Variants in BLTP2 observed in about 807,000 individuals in gnomAD.
BLTP2 encodes U937-associated antigen.
chr17:28,631,361 T>A, the BLTP2 span: 3 of 930,308 alleles, frequency 3.2e-6, no homozygotes, highest in African/African-American at 4.9e-5. Flanking sequence ...CCAAAACTCA[T>A]AAATAAATTT....
chr17:28,633,097 C>T, the BLTP2 span: 1 of 1,591,132 alleles, frequency 6.3e-7, no homozygotes, highest in South Asian at 1.1e-5. Flanking sequence ...GTTCCCATGG[C>T]ACAGCCACTG....
chr17:28,637,077 T>C, the BLTP2 span: 2 of 1,614,172 alleles, frequency 1.2e-6, no homozygotes, highest in Non-Finnish European at 1.7e-6. Flanking sequence ...CGTGACTGAT[T>C]TCACCAGCGC....
the BLTP2 span, chr17:28,633,816 C>T: frequency 8.3e-5 from 132 of 1,597,564 alleles, no homozygotes; most frequent in Non-Finnish European, 1.1e-4. Flanking sequence ...TCCTTCACTC[C>T]AGAAGGGTCT....
At chr17:28,615,002 C>T in the BLTP2 span, 1 of 1,510,168 alleles carries the variant, frequency 6.6e-7, no homozygotes, top group Non-Finnish European at 9.0e-7. Context: ...CCTCCCACCC[C>T]ACAAGTCCCT....
the BLTP2 span, chr17:28,642,835 A>G: frequency 7.4e-6 from 9 of 1,220,662 alleles, no homozygotes; most frequent in Non-Finnish European, 1.1e-5. Context: ...AGGCAAGAAT[A>G]GGACGGCTAG....
chr17:28,634,340 A>G, the BLTP2 span, among the ~76,000 whole-genome samples: 4 of 152,154 alleles, frequency 2.6e-5, no homozygotes, highest in African/African-American at 9.7e-5. Flanking sequence ...ATGTTAGCCA[A>G]GCAATTTCAC....
the BLTP2 span, chr17:28,639,415 T>G: frequency 6.2e-7 from 1 of 1,613,848 alleles, no homozygotes; most frequent in Non-Finnish European, 8.5e-7. Flanking sequence ...TAGTGAATGA[T>G]GCAAGTGTTC....
the BLTP2 span, chr17:28,640,495 A>G: frequency 1.9e-6 from 3 of 1,559,722 alleles, no homozygotes; most frequent in Non-Finnish European, 1.8e-6. Context: ...TAGGCTGGTT[A>G]CAGAGATACC....
chr17:28,624,314 A>G, the BLTP2 span: 31 of 1,613,990 alleles, frequency 1.9e-5, no homozygotes, highest in Admixed American at 3.3e-5. Flanking sequence ...ACAACTGGTC[A>G]CTCATGCCTG....
chr17:28,642,314 T>C, the BLTP2 span: 1 of 1,614,188 alleles, frequency 6.2e-7, no homozygotes. Flanking sequence ...TGATCTTACA[T>C]AAGCTCACCT....
the BLTP2 span, among the ~76,000 whole-genome samples, chr17:28,641,733 A>G: frequency 6.6e-6 from 1 of 152,226 alleles, no homozygotes; most frequent in African/African-American, 2.4e-5. Flanking sequence ...CACTCAGCAC[A>G]AGCAAATGCC....
At chr17:28,620,963 T>A in the BLTP2 span, 1 of 1,607,086 alleles carries the variant, frequency 6.2e-7, no homozygotes, top group Non-Finnish European at 8.5e-7. Context: ...AGTCCCTTCC[T>A]AAAAGCCTTT....
the BLTP2 span, among the ~76,000 whole-genome samples, chr17:28,631,109 CA>C: frequency 2.6e-5 from 4 of 152,156 alleles, no homozygotes; most frequent in Admixed American, 2.6e-4. Context: ...TCCTAACCCC[CA>C]ATGTAACAGT....
the BLTP2 span, among the ~76,000 whole-genome samples, chr17:28,627,319 C>T: frequency 3.3e-5 from 5 of 152,132 alleles, no homozygotes; most frequent in South Asian, 6.2e-4. Flanking sequence ...TCAAACCATA[C>T]TAGGCTTTCA....
chr17:28,624,177 G>T, the BLTP2 span: 1 of 1,568,386 alleles, frequency 6.4e-7, no homozygotes, highest in Non-Finnish European at 8.7e-7. Context: ...GGGGGAAGGG[G>T]AACAATATGA....
chr17:28,632,089 T>C, the BLTP2 span: 1 of 1,614,170 alleles, frequency 6.2e-7, no homozygotes, highest in Non-Finnish European at 8.5e-7. Flanking sequence ...AAGTTGCTTG[T>C]AGTGCTGACC....
chr17:28,642,374 G>A, the BLTP2 span: 239 of 1,588,912 alleles, frequency 1.5e-4, 1 homozygote, highest in African/African-American at 2.5e-3. Flanking sequence ...TGGCCTTGCC[G>A]GGCGCGGTGG....
chr17:28,644,861 C>G, the BLTP2 span: 1 of 784,980 alleles, frequency 1.3e-6, no homozygotes, highest in East Asian at 2.8e-5. Context: ...CGCCCCCTCC[C>G]TCCACCCTAC....
At chr17:28,637,377 A>T in the BLTP2 span, among the ~76,000 whole-genome samples, 1 of 152,194 alleles carries the variant, frequency 6.6e-6, no homozygotes, top group Non-Finnish European at 1.5e-5. Flanking sequence ...ACTCCTACAA[A>T]TTGCACAGAG....
Sources: gnomAD v4.1 joint callset for allele counts (sites outside exome capture counted in the v4.1 genomes callset) on GRCh38, gnomAD v4.1.1 for gene constraint, MANE v1.5 for transcripts, NCBI Gene and HGNC (gene_info 2026-07-23, HGNC 2026-07-21) for gene names.